Variants in PHF20 observed in about 807,000 individuals in gnomAD.
The protein encoded by PHF20 is glioma-expressed antigen 2.
PHF20 carries 23 observed loss-of-function variants against 113.5 expected under a neutral mutation model. That is an observed-to-expected ratio of 0.20 (90% CI 0.15 to 0.29). The LOEUF is 0.29. Among genes scored for constraint, PHF20 ranks in the 10% least tolerant of loss-of-function variants. The probability of loss-of-function intolerance (pLI) is 1.00; values close to 1 mark genes in which losing one functional copy is unlikely to be tolerated. For synonymous variants in PHF20, 434 were observed against 457.3 expected, an observed-to-expected ratio of 0.95 and a Z score of 0.65; for missense variants, 943 against 1,219.6, an observed-to-expected ratio of 0.77 and a Z score of 3.38.
At chr20:35,916,973 A>G (rs2055415280) in intron 12 of PHF20, among the ~76,000 whole-genome samples, 1 of 152,050 alleles carries the variant, frequency 6.6e-6, no homozygotes, top group Admixed American at 6.6e-5. Flanking sequence ...CATGTTGCCC[A>G]GGCTTGACTT....
rs1253036215 is a variant in PHF20 at position 35,940,963 on chromosome 20, T to A, written c.2812T>A (p.Trp938Arg). The A allele has an allele frequency of 1.2e-6, 2 of 1,614,216 alleles. No homozygotes were observed. Among genetic ancestry groups the A allele is most frequent in the South Asian group, 1.1e-5 (1 of 91,086 alleles). ...GEGLLSSQHQ[W>R]QFNLLTHVES... is the part of the protein sequence containing the mutation. ...GGGGCTGCTGAGCTCCCAGCACCAGTGGCAGTTTAACCTGCTGACCCATGT... is the reference window on the plus strand; with the variant it reads ...GGGGCTGCTGAGCTCCCAGCACCAGAGGCAGTTTAACCTGCTGACCCATGT... The change falls in exon 17 of 18, where the codon TGG (tryptophan) becomes AGG (arginine). Residue 938 changes from tryptophan to arginine, a missense_variant. By Grantham distance (101) the Trp-to-Arg change is moderately radical. Around this residue, in one of 3 missense-constraint regions of PHF20, gnomAD observed 349 missense variants for 412.3 expected, o/e 0.85. Coordinates refer to ENST00000374012, the MANE Select transcript of PHF20 (RefSeq NM_016436.5).
chr20:35,857,097 G>T (rs1727442483), intron 4 of PHF20, among the ~76,000 whole-genome samples: 1 of 152,068 alleles, frequency 6.6e-6, no homozygotes, highest in African/African-American at 2.4e-5. Flanking sequence ...CAGGGGGTGG[G>T]GGAATTGGTT....
rs2054688230 is a variant in PHF20 at position 35,884,400 on chromosome 20, G to C, written c.1282+12571G>C. Among the ~76,000 whole-genome samples, 4 of 152,172 alleles carry C rather than the reference G, an allele frequency of 2.6e-5. No individual in the cohort carries two copies. The South Asian group carries it at 8.3e-4, about 32-fold the overall frequency. On this transcript the variant is annotated intron_variant, in intron 9 of 17. Transcript: ENST00000374012. The stretch of plus-strand genomic sequence containing the variant: ...CAACACATCTAGTCTAGGGCTAGCT[G>C]TTCCAACCTAACTCTGGCATTTGGG...
At chr20:35,877,357 C>T (rs2054548296) in intron 9 of PHF20, among the ~76,000 whole-genome samples, 4 of 143,510 alleles carry the variant, frequency 2.8e-5, no homozygotes, top group African/African-American at 7.6e-5. Context: ...ATATTATTAT[C>T]TGAAAATGGG....
chr20:35,908,563 T>C (rs558381884), intron 10 of PHF20, among the ~76,000 whole-genome samples: 13 of 152,314 alleles, frequency 8.5e-5, no homozygotes, highest in African/African-American at 3.1e-4. Context: ...AACCTGAATT[T>C]ACAAATAAAA....
At chr20:35,836,316 C>A (rs1349774889) in intron 2 of PHF20, among the ~76,000 whole-genome samples, 1 of 152,076 alleles carries the variant, frequency 6.6e-6, no homozygotes, top group Non-Finnish European at 1.5e-5. Flanking sequence ...CTATGCCCAG[C>A]CAATATTCTT....
rs201623482 is a variant in PHF20, at chr20:35,865,497, G to GTTTTTT, written c.808+2117_808+2122dup. The stretch of plus-strand genomic sequence containing the variant: ...TATTTAAATTAACTTTTTAAGTTGT[G>GTTTTTT]TTTTTTTTTTTTTTTTTTTTTTTTT... On this transcript the variant is annotated intron_variant, in intron 6 of 17. Transcript: ENST00000374012. Among the ~76,000 whole-genome samples the GTTTTTT allele has an allele frequency of 2.3e-3, 223 of 96,592 alleles. 2 individuals carry two copies. The highest frequency in any genetic ancestry group is 3.5e-3 in the African/African-American group (79 of 22,582). 63.4% of individuals were successfully genotyped at this position (96,592 alleles called of 152,430 possible). A position where few individuals can be genotyped will look rare whatever the true frequency, so the allele number is the denominator to read the frequency against.
At chr20:35,914,669 A>G (rs889557219) in intron 12 of PHF20, among the ~76,000 whole-genome samples, 5 of 152,124 alleles carry the variant, frequency 3.3e-5, no homozygotes, top group African/African-American at 9.7e-5. Context: ...AAATTATTCA[A>G]TGTAAAAATT....
intron 6 of PHF20, among the ~76,000 whole-genome samples, chr20:35,867,419 C>T (rs1014485849): frequency 6.6e-6 from 1 of 152,050 alleles, no homozygotes; most frequent in Admixed American, 6.6e-5. Flanking sequence ...GCCACCATGC[C>T]TGGCTAATTT....
chr20:35,844,711 T>G (rs896999989), intron 3 of PHF20, among the ~76,000 whole-genome samples: 5 of 152,028 alleles, frequency 3.3e-5, no homozygotes, highest in Non-Finnish European at 7.4e-5. Context: ...AGATTACAGA[T>G]TAAGCCCTAA....
chr20:35,785,526 G>A (rs1463964173), intron 1 of PHF20, among the ~76,000 whole-genome samples: 1 of 151,660 alleles, frequency 6.6e-6, no homozygotes, highest in Non-Finnish European at 1.5e-5. Context: ...CACCACGTTG[G>A]CCAGGCTGGT....
intron 2 of PHF20, among the ~76,000 whole-genome samples, chr20:35,820,662 G>C (rs533906166): frequency 1.6e-3 from 247 of 151,952 alleles, no homozygotes; most frequent in African/African-American, 5.8e-3. Context: ...TGTTAGCCAG[G>C]TTAGTCTCGA....
At chr20:35,924,714 T>C (rs2055592860) in intron 13 of PHF20, among the ~76,000 whole-genome samples, 1 of 152,086 alleles carries the variant, frequency 6.6e-6, no homozygotes, top group African/African-American at 2.4e-5. Context: ...TGCCTCAGCC[T>C]CCTGAGTAGC....
intron 1 of PHF20, among the ~76,000 whole-genome samples, chr20:35,794,300 C>CAAAAAAA (rs369191805): frequency 1.0e-5 from 1 of 96,112 alleles, no homozygotes. Flanking sequence ...AACTCTGTCT[C>CAAAAAAA]AAAAAAAAAA....
chr20:35,911,644 G>A (rs944617802), intron 10 of PHF20, among the ~76,000 whole-genome samples: 1 of 151,730 alleles, frequency 6.6e-6, no homozygotes, highest in Non-Finnish European at 1.5e-5. Flanking sequence ...AAGAGAAGAA[G>A]AAACGACTGG....
At chr20:35,872,796 T>A (rs1173382851) in intron 9 of PHF20, among the ~76,000 whole-genome samples, 3 of 152,200 alleles carry the variant, frequency 2.0e-5, no homozygotes, top group African/African-American at 7.2e-5. Context: ...TTGTTGCGAT[T>A]TAATTTATGG....
Position 35,931,370 on chromosome 20 carries a change from C to T in PHF20, c.2226C>T (p.Thr742=). ...SHQNAKKIVA[T]HQLLGDVQRV... ...AGAATGCCAAGAAGATCGTGGCCAC[C>T]CACCAGCTTCTTGGTGATGTGCAGA... The change falls in exon 15 of 18, where the codon ACC becomes ACT. Residue 742 remains threonine, a synonymous_variant. Coordinates refer to ENST00000374012, the MANE Select transcript of PHF20 (RefSeq NM_016436.5). 1 of 1,614,024 alleles carries T rather than the reference C, an allele frequency of 6.2e-7. No homozygotes were observed. Among genetic ancestry groups the T allele is most frequent in the South Asian group, 1.1e-5 (1 of 91,074 alleles).
intron 5 of PHF20, among the ~76,000 whole-genome samples, chr20:35,859,201 A>G (rs1290793633): frequency 6.6e-6 from 1 of 152,172 alleles, no homozygotes; most frequent in African/African-American, 2.4e-5. Context: ...TCCAGTCACC[A>G]TGCATGTACT....
intron 1 of PHF20, among the ~76,000 whole-genome samples, chr20:35,782,822 C>T (rs575448059): frequency 2.6e-5 from 4 of 152,326 alleles, no homozygotes; most frequent in Admixed American, 2.6e-4. Flanking sequence ...ATTATCATAA[C>T]TGTCTGACAT....
Sources: gnomAD v4.1 joint callset for allele counts (sites outside exome capture counted in the v4.1 genomes callset) on GRCh38, gnomAD v4.1.1 for gene constraint, gnomAD v4.1.1 regional missense constraint, MANE v1.5 for transcripts, NCBI Gene and HGNC (gene_info 2026-07-23, HGNC 2026-07-21) for gene names.